SGCZ: variants seen among roughly 807,000 people sequenced by gnomAD.
The protein encoded by SGCZ is zeta-sarcoglycan.
Under a neutral mutation model 41.3 loss-of-function variants are expected in SGCZ, and 40 were observed. That is an observed-to-expected ratio of 0.97 (90% CI 0.75 to 1.26). The LOEUF is 1.26. Among genes scored for constraint, SGCZ ranks in the 50% most tolerant of loss-of-function variants. The probability of loss-of-function intolerance (pLI) is 0.00; values close to 1 mark genes in which losing one functional copy is unlikely to be tolerated. For missense variants in SGCZ, 552 were observed against 369.8 expected, an observed-to-expected ratio of 1.49 and a Z score of -4.04; for synonymous variants, 206 against 137.5, an observed-to-expected ratio of 1.50 and a Z score of -3.49.
At chr8:14,394,474 A>G (rs1585447219) in intron 2 of SGCZ, among the ~76,000 whole-genome samples, 1 of 152,158 alleles carries the variant, frequency 6.6e-6, no homozygotes, top group African/African-American at 2.4e-5. Context: ...TACAGCCTCA[A>G]AATGCATACT....
intron 2 of SGCZ, among the ~76,000 whole-genome samples, chr8:14,502,840 T>A (rs533954591): frequency 6.6e-6 from 1 of 152,164 alleles, no homozygotes; most frequent in African/African-American, 2.4e-5. Flanking sequence ...GAACACTTTA[T>A]ACTGTTGGTG....
intron 4 of SGCZ, among the ~76,000 whole-genome samples, chr8:14,224,803 T>C (rs527358342): frequency 1.3e-5 from 2 of 152,264 alleles, no homozygotes; most frequent in East Asian, 1.9e-4. Context: ...CACCTAATAT[T>C]CTTTCTTGGA....
rs73524161 is a variant in SGCZ at position 14,170,159 on chromosome 8, C to A, written c.425-5457G>T. On this transcript the variant is annotated intron_variant, in intron 4 of 7. Coordinates refer to ENST00000382080, the MANE Select transcript of SGCZ (RefSeq NM_139167.4). ...TTAAATAGAAGTTTTAGAAATCTTC[C>A]ACTTTCAACAATCACTGCATCTCCC... 9.7e-3 allele frequency among the ~76,000 whole-genome samples: 1,462 copies of A among 151,474 alleles called. 29 individuals carry two copies. The highest frequency in any genetic ancestry group is 0.034 in the African/African-American group (1,385 of 41,230).
chr8:14,484,786 C>T (rs966792819), intron 2 of SGCZ, among the ~76,000 whole-genome samples: 1 of 152,120 alleles, frequency 6.6e-6, no homozygotes, highest in Non-Finnish European at 1.5e-5. Context: ...AATACAACTA[C>T]AGAAAATCAT....
chr8:14,779,255 C>G (rs1441946), intron 1 of SGCZ, among the ~76,000 whole-genome samples: 54,145 of 152,122 alleles, frequency 0.36, 11,626 homozygotes, highest in African/African-American at 0.6. Context: ...AATATCACAA[C>G]TTTTGGCTTG....
intron 2 of SGCZ, among the ~76,000 whole-genome samples, chr8:14,493,756 C>G (rs1801912352): frequency 6.6e-6 from 1 of 151,986 alleles, no homozygotes; most frequent in African/African-American, 2.4e-5. Flanking sequence ...CCTGGAATCC[C>G]TAAATATGAA....
intron 2 of SGCZ, among the ~76,000 whole-genome samples, chr8:14,409,498 T>C (rs1173827452): frequency 6.6e-6 from 1 of 152,150 alleles, no homozygotes; most frequent in Non-Finnish European, 1.5e-5. Flanking sequence ...GAATATTCAC[T>C]TTTAAAATAT....
intron 1 of SGCZ, among the ~76,000 whole-genome samples, chr8:15,173,910 T>C (rs1028185780): frequency 1.3e-5 from 2 of 152,142 alleles, no homozygotes; most frequent in African/African-American, 4.8e-5. Flanking sequence ...TTATTTTTAA[T>C]AGAGGCAAAG....
intron 1 of SGCZ, among the ~76,000 whole-genome samples, chr8:14,993,153 A>C (rs996142865): frequency 6.6e-6 from 1 of 152,062 alleles, no homozygotes; most frequent in Non-Finnish European, 1.5e-5. Context: ...ACCTTCTTCT[A>C]TCTCCTGTCT....
intron 5 of SGCZ, among the ~76,000 whole-genome samples, chr8:14,127,726 G>A (rs988394001): frequency 1.3e-5 from 2 of 152,268 alleles, no homozygotes. Flanking sequence ...AAAGTGCTGG[G>A]ATTACATGCA....
chr8:14,138,729 C>G (rs1803277487), intron 5 of SGCZ, among the ~76,000 whole-genome samples: 1 of 152,158 alleles, frequency 6.6e-6, no homozygotes, highest in Non-Finnish European at 1.5e-5. Context: ...AAAACTCTCA[C>G]ACGATAATAA....
At chr8:15,044,085 T>C (rs988852861) in intron 1 of SGCZ, among the ~76,000 whole-genome samples, 4 of 152,166 alleles carry the variant, frequency 2.6e-5, no homozygotes, top group African/African-American at 4.8e-5. Flanking sequence ...TTGCATATTA[T>C]TTAGATGTTG....
At chr8:14,396,007 G>C (rs1322999341) in intron 2 of SGCZ, among the ~76,000 whole-genome samples, 1 of 152,156 alleles carries the variant, frequency 6.6e-6, no homozygotes, top group Non-Finnish European at 1.5e-5. Flanking sequence ...CACTGTATGT[G>C]CGTTTATGAT....
intron 1 of SGCZ, among the ~76,000 whole-genome samples, chr8:14,782,364 A>T (rs958442311): frequency 1.3e-5 from 2 of 152,182 alleles, no homozygotes; most frequent in African/African-American, 4.8e-5. Flanking sequence ...CTGCTGAATC[A>T]TAATGTAAGC....
chr8:14,258,329 G>A (rs550423051), intron 3 of SGCZ, among the ~76,000 whole-genome samples: 52 of 152,210 alleles, frequency 3.4e-4, no homozygotes, highest in African/African-American at 1.2e-3. Context: ...AGAGGGCAAT[G>A]TATTAGTCCT....
At chr8:14,380,237 GTTA>G (rs1387040500) in intron 2 of SGCZ, among the ~76,000 whole-genome samples, 1 of 152,004 alleles carries the variant, frequency 6.6e-6, no homozygotes, top group African/African-American at 2.4e-5. Flanking sequence ...ATAGGTTTTG[GTTA>G]TTATAGTACA....
chr8:14,211,388 C>G (rs1021737022), intron 4 of SGCZ, among the ~76,000 whole-genome samples: 2 of 152,160 alleles, frequency 1.3e-5, no homozygotes, highest in African/African-American at 2.4e-5. Flanking sequence ...ACCGTCCATA[C>G]TTCTCCACTT....
At chr8:14,241,115 C>A (rs1337422182) in intron 3 of SGCZ, among the ~76,000 whole-genome samples, 1 of 152,038 alleles carries the variant, frequency 6.6e-6, no homozygotes, top group African/African-American at 2.4e-5. Context: ...CTCCAAAGGT[C>A]TCTGTATGAG....
intron 3 of SGCZ, among the ~76,000 whole-genome samples, chr8:14,253,708 T>C (rs1799366127): frequency 6.6e-6 from 1 of 152,140 alleles, no homozygotes. Flanking sequence ...GTCTTATTTA[T>C]ATATGTAACA....
Sources: gnomAD v4.1 joint callset for allele counts (sites outside exome capture counted in the v4.1 genomes callset) on GRCh38, gnomAD v4.1.1 for gene constraint, MANE v1.5 for transcripts, NCBI Gene and HGNC (gene_info 2026-07-23, HGNC 2026-07-21) for gene names.